UBTF: variants seen among roughly 807,000 people sequenced by gnomAD.
UBTF encodes nucleolar transcription factor 1.
UBTF carries 8 observed loss-of-function variants against 112.3 expected under a neutral mutation model. The observed-to-expected ratio is 0.07, with a 90% CI of 0.04 to 0.13. The LOEUF (loss-of-function observed/expected upper bound fraction) is 0.13, where lower values mean the gene tolerates loss of function less well. Among genes scored for constraint, UBTF ranks in the 10% least tolerant of loss-of-function variants. The pLI, the probability that UBTF is intolerant of heterozygous loss-of-function variation, is 1.00. For synonymous variants in UBTF, 417 were observed against 373.1 expected, an observed-to-expected ratio of 1.12 and a Z score of -1.36; for missense variants, 457 against 982.1, an observed-to-expected ratio of 0.47 and a Z score of 7.15.
upstream of UBTF, chr17:44,220,635 G>T (rs1252195898): frequency 6.6e-6 from 1 of 152,166 alleles, no homozygotes; most frequent in African/African-American, 2.4e-5. Context: ...GTTCAATCCA[G>T]CCCGGCATGG....
chr17:44,210,638 T>C (rs1232914841), intron 13 of UBTF, among the ~76,000 whole-genome samples, 154 bp downstream of exon 13: 1 of 152,194 alleles, frequency 6.6e-6, no homozygotes, highest in Non-Finnish European at 1.5e-5. Flanking sequence ...AGCTGACAGC[T>C]TCCCGCCTTC....
At chr17:44,209,175 A>T in intron 17 of UBTF, 177 bp downstream of exon 17, 2 of 663,542 alleles carry the variant, frequency 3.0e-6, no homozygotes, top group Non-Finnish European at 4.6e-6. Context: ...TCAAAAAATA[A>T]AAAAAAAAAT....
At chr17:44,218,321 C>T in intron 1 of UBTF, 25 bp from the exon 2 acceptor site, 5 of 1,409,824 alleles carry the variant, frequency 3.5e-6, no homozygotes, top group Non-Finnish European at 4.9e-6. Flanking sequence ...CCAGTTCCCA[C>T]TCAGGAAGGC....
Position 44,206,723 on chromosome 17 carries a change from G to C in UBTF, c.*519C>G, listed in dbSNP as rs941033561. On this transcript the variant is annotated 3_prime_UTR_variant, in exon 21 of 21. Transcript: ENST00000436088. ...CTTCCTGCAGGGGGCAGGGGAGAGG[G>C]CCACCAGGGCAGTGCCTGTTTTCTT... 4 of 164,890 alleles carry C rather than the reference G, an allele frequency of 2.4e-5. No individual in the cohort carries two copies. The highest frequency in any genetic ancestry group is 1.2e-4 in the Admixed American group (2 of 16,290). 10.2% of individuals were successfully genotyped at this position (164,890 alleles called of 1,614,324 possible). A position where few individuals can be genotyped will look rare whatever the true frequency, so the allele number is the denominator to read the frequency against.
At position 44,211,165 on chromosome 17, in the gene UBTF, G is replaced by A. The variant is rs1320072264; in HGVS notation, c.1090-13C>T. ...CCTCAGGCAGGCTCTGGACAGGAAA[G>A]AGGAGCACGGGGCTGCATGCCTGGC... On this transcript the variant is annotated splice_polypyrimidine_tract_variant and intron_variant, in intron 11 of 20. Coordinates refer to ENST00000436088, the MANE Select transcript of UBTF (RefSeq NM_014233.4). This position sits in a 1 kb window ranked among gnomAD's most constrained non-coding sequence, Gnocchi z 4.9. 6.2e-7 allele frequency: 1 copy of A among 1,612,876 alleles called. No homozygotes were observed. Among genetic ancestry groups the A allele is most frequent in the African/African-American group, 1.3e-5 (1 of 74,948 alleles).
At chr17:44,213,053 G>GTGGC (rs2056796625) in intron 6 of UBTF, 114 bp from the exon 7 acceptor site, 3 of 1,552,124 alleles carry the variant, frequency 1.9e-6, no homozygotes, top group Non-Finnish European at 2.6e-6. Context: ...CAGTGGGACG[G>GTGGC]TGGCTGCCTG....
chr17:44,210,473 C>T lies in UBTF; in HGVS notation c.1360G>A (p.Ala454Thr). 6.2e-7 allele frequency: 1 copy of T among 1,602,098 alleles called. No homozygotes were observed. Among genetic ancestry groups the T allele is most frequent in the Non-Finnish European group, 8.5e-7 (1 of 1,176,898 alleles). Residue 454 changes from alanine to threonine, a missense_variant and splice_region_variant, in exon 14 of 21, where the codon GCC becomes ACC. By Grantham distance (58) the Ala-to-Thr change is moderately conservative (BLOSUM62 0). Coordinates refer to ENST00000436088, the MANE Select transcript of UBTF (RefSeq NM_014233.4). ...MWNDLSEKKKAKYKAREAALK... is the reference protein window; with the variant it reads ...MWNDLSEKKKTKYKAREAALK... ...GCCGCCTCTCGGGCCTTGTACTTGGCCTGCGGGGATGGCCCGGGCGTCAGC... is the reference window on the plus strand; with the variant it reads ...GCCGCCTCTCGGGCCTTGTACTTGGTCTGCGGGGATGGCCCGGGCGTCAGC...
At position 44,212,946 on chromosome 17, in the gene UBTF, A is replaced by AG; in HGVS notation, c.540-8dup. ...TAGGTCGGGGTGATCCTCCCTAGCC[A>AG]GGACACGGGGAGCAAGGATCAGCAG... On this transcript the variant is annotated splice_polypyrimidine_tract_variant and splice_region_variant and intron_variant, in intron 6 of 20. Transcript: ENST00000436088. 1 of 1,613,674 alleles carries AG rather than the reference A, an allele frequency of 6.2e-7. No homozygotes were observed. Among genetic ancestry groups the AG allele is most frequent in the Non-Finnish European group, 8.5e-7 (1 of 1,179,690 alleles).
rs2046944108 is a variant in UBTF, at chr17:44,218,187, C to A, written c.43G>T (p.Ala15Ser). 2.5e-6 allele frequency: 4 copies of A among 1,612,292 alleles called. No homozygotes were observed. Among genetic ancestry groups the A allele is most frequent in the Non-Finnish European group, 3.4e-6 (4 of 1,179,596 alleles). The change falls in exon 2 of 21, where the codon GCC becomes TCC. Residue 15 changes from alanine (A) to serine (S), a missense_variant. By Grantham distance (99) the Ala-to-Ser change is moderately conservative. Around this residue, in one of 7 missense-constraint regions of UBTF, gnomAD observed 20 missense variants for 29.1 expected, o/e 0.69. Transcript: ENST00000436088. Reference sequence around the variant, plus strand: ...ATGCCCCTACCTTGGCCTTTGGGGGCGGCCATTTCCAGGTCTGTGGGGCAG... The same window carrying A: ...ATGCCCCTACCTTGGCCTTTGGGGGAGGCCATTTCCAGGTCTGTGGGGCAG... ...ADCPTDLEMA[A>S]PKGQDRWSQE... is the part of the protein sequence containing the mutation.
At chr17:44,217,962 A>C (rs2046930092) in intron 2 of UBTF, among the ~76,000 whole-genome samples, 1 of 152,150 alleles carries the variant, frequency 6.6e-6, no homozygotes, top group Non-Finnish European at 1.5e-5. Flanking sequence ...AGGGACAGGG[A>C]GAGAGGGGAG....
intron 5 of UBTF, chr17:44,215,343 C>T (rs1037056422): frequency 5.4e-5 from 18 of 334,414 alleles, no homozygotes; most frequent in East Asian, 5.9e-5. Flanking sequence ...AGAAGTGCTG[C>T]GGAGCCTAAC....
rs950386112 is a variant in UBTF at position 44,210,471 on chromosome 17, G to A, written c.1362C>T (p.Ala454=). The A allele has an allele frequency of 3.1e-6, 5 of 1,602,220 alleles. No homozygotes were observed. The highest frequency in any genetic ancestry group is 3.4e-6 in the Non-Finnish European group (4 of 1,176,982). The stretch of plus-strand genomic sequence containing the variant: ...GCGCCGCCTCTCGGGCCTTGTACTT[G>A]GCCTGCGGGGATGGCCCGGGCGTCA... ...MWNDLSEKKK[A]KYKAREAALK... Residue 454 remains alanine, a splice_region_variant and synonymous_variant, in exon 14 of 21, where the codon GCC becomes GCT. Coordinates refer to ENST00000436088, the MANE Select transcript of UBTF (RefSeq NM_014233.4).
chr17:44,218,270 G>A lies in UBTF; in HGVS notation c.-41C>T. 6.2e-7 allele frequency: 1 copy of A among 1,607,826 alleles called. No individual in the cohort carries two copies. The highest frequency in any genetic ancestry group is 1.1e-5 in the South Asian group (1 of 90,920). On this transcript the variant is annotated 5_prime_UTR_variant, in exon 2 of 21. Transcript: ENST00000436088. ...CCACCTCCTCGGTCGTGCTGGCCGG[G>A]CAACCCGGGGTCAAAGCCACCTCAC...
chr17:44,213,188 G>A (rs757898260), intron 6 of UBTF, 30 bp downstream of exon 6: 41 of 1,608,492 alleles, frequency 2.5e-5, no homozygotes, highest in African/African-American at 5.3e-5. Flanking sequence ...CCAGTGCCCC[G>A]TGGCCCTCCT....
At position 44,205,810 on chromosome 17, in the gene UBTF, C is replaced by CTG. The variant is rs2056211756; in HGVS notation, c.*1431_*1432insCA. On this transcript the variant is annotated 3_prime_UTR_variant, in exon 21 of 21. Coordinates refer to ENST00000436088, the MANE Select transcript of UBTF (RefSeq NM_014233.4). The stretch of plus-strand genomic sequence containing the variant: ...AATTTAGTCAACAAAAAAATAAGAA[C>CTG]TACAGAGATAAGGTGGCTTGGCTTA... 1 of 152,330 alleles carries CTG rather than the reference C, an allele frequency of 6.6e-6. No homozygotes were observed. The highest frequency in any genetic ancestry group is 2.1e-4 in the South Asian group (1 of 4,826). The allele number at this position is 152,330 out of a possible 1,614,324, so 9.4% of individuals were successfully genotyped here. A position where few individuals can be genotyped will look rare whatever the true frequency, so the allele number is the denominator to read the frequency against.
In UBTF at chr17:44,210,490, G is replaced by A; in HGVS notation, c.1360-17C>T. On this transcript the variant is annotated splice_polypyrimidine_tract_variant and intron_variant, in intron 13 of 20. Coordinates refer to ENST00000436088, the MANE Select transcript of UBTF (RefSeq NM_014233.4). ...GTACTTGGCCTGCGGGGATGGCCCG[G>A]GCGTCAGCCTTCCACCCACCCCCAG... The A allele has an allele frequency of 6.3e-7, 1 of 1,582,168 alleles. No individual in the cohort carries two copies. Among genetic ancestry groups the A allele is most frequent in the Non-Finnish European group, 8.5e-7 (1 of 1,170,952 alleles).
Position 44,211,389 on chromosome 17 carries a change from A to C in UBTF, c.1048-58T>G. 1.2e-6 allele frequency: 2 copies of C among 1,607,434 alleles called. No individual in the cohort carries two copies. The highest frequency in any genetic ancestry group is 1.7e-6 in the Non-Finnish European group (2 of 1,175,532). On this transcript the variant is annotated intron_variant, in intron 10 of 20. Coordinates refer to ENST00000436088, the MANE Select transcript of UBTF (RefSeq NM_014233.4). This position sits in a 1 kb window ranked among gnomAD's most constrained non-coding sequence, Gnocchi z 4.9. Reference sequence around the variant, plus strand: ...GAGACAGTGTCACCACAGACCCTGCAGTACTCGGAGGACAGTGACCTTCAG... The same window carrying C: ...GAGACAGTGTCACCACAGACCCTGCCGTACTCGGAGGACAGTGACCTTCAG...
intron 2 of UBTF, 103 bp from the exon 3 acceptor site, chr17:44,216,807 C>G (rs1465116645): frequency 8.5e-7 from 1 of 1,172,540 alleles, no homozygotes; most frequent in Non-Finnish European, 1.3e-6. Context: ...GGCATCCCAG[C>G]CCCTGGTTGC....
chr17:44,209,143 T>C, intron 17 of UBTF: 1 of 478,576 alleles, frequency 2.1e-6, no homozygotes, highest in Non-Finnish European at 3.6e-6. Context: ...TACTCCAGCC[T>C]GGGCAGGAGA....
Sources: allele counts gnomAD v4.1 joint callset (sites outside exome capture counted in the v4.1 genomes callset), GRCh38; gene constraint gnomAD v4.1.1; regional missense constraint gnomAD v4.1.1; non-coding constraint Gnocchi (gnomAD v3.1); transcripts MANE v1.5; gene names NCBI Gene and HGNC (gene_info 2026-07-23, HGNC 2026-07-21).